The following LNPK variants were observed in gnomAD, a reference collection of about 807,000 sequenced individuals.
The protein encoded by LNPK is lunapark, ER junction formation factor.
Under a neutral mutation model 55.2 loss-of-function variants are expected in LNPK, and 29 were observed. The observed-to-expected ratio is 0.53, with a 90% CI of 0.39 to 0.72. The LOEUF is 0.72. Among genes scored for constraint, LNPK ranks in the 30% least tolerant of loss-of-function variants. The pLI, the probability that LNPK is intolerant of heterozygous loss-of-function variation, is 0.00. For synonymous variants in LNPK, 162 were observed against 168.2 expected, an observed-to-expected ratio of 0.96 and a Z score of 0.29; for missense variants, 467 against 494.8, an observed-to-expected ratio of 0.94 and a Z score of 0.53.
intron 1 of LNPK, among the ~76,000 whole-genome samples, chr2:175,996,072 T>C (rs141042001): frequency 1.0e-3 from 154 of 152,138 alleles, no homozygotes; most frequent in African/African-American, 3.3e-3. Context: ...CTTGGCCTCC[T>C]AAACTGCTGG....
intron 8 of LNPK, among the ~76,000 whole-genome samples, chr2:175,959,241 G>A (rs1035887930): frequency 6.6e-6 from 1 of 152,072 alleles, no homozygotes; most frequent in African/African-American, 2.4e-5. Flanking sequence ...TCCTTGACAA[G>A]AGCAACCCCA....
chr2:175,995,539 G>A lies in LNPK; in HGVS notation c.27+19C>T, dbSNP rs151250501. The A allele has an allele frequency of 2.5e-3, 3,961 of 1,592,330 alleles. 9 individuals carry two copies. The highest frequency in any genetic ancestry group is 3.0e-3 in the Non-Finnish European group (3,457 of 1,165,780). On this transcript the variant is annotated intron_variant, in intron 2 of 12. Coordinates refer to ENST00000272748, the MANE Select transcript of LNPK (RefSeq NM_030650.3). ...TTTATATTAGACTCAAGAACTAGCT[G>A]TAAAGAAAAGTACCTTACCCTCCAT...
rs779791395 is a variant in LNPK, at chr2:175,939,675, A to G, written c.707-18T>C. On this transcript the variant is annotated intron_variant, in intron 9 of 12. Coordinates refer to ENST00000272748, the MANE Select transcript of LNPK (RefSeq NM_030650.3). ...ATGAAGACCTATTAAATAAATAAATACATACAAAATTTATATACATGAAAT... is the reference window on the plus strand; with the variant it reads ...ATGAAGACCTATTAAATAAATAAATGCATACAAAATTTATATACATGAAAT... 8.7e-6 allele frequency: 11 copies of G among 1,259,282 alleles called. No homozygotes were observed. Among genetic ancestry groups the G allele is most frequent in the Non-Finnish European group, 1.1e-5 (10 of 883,618 alleles). The allele number at this position is 1,259,282 out of a possible 1,614,324, so 78.0% of individuals were successfully genotyped here.
At chr2:175,976,030 G>C (rs1686897656) in intron 5 of LNPK, among the ~76,000 whole-genome samples, 1 of 152,024 alleles carries the variant, frequency 6.6e-6, no homozygotes. Context: ...AAGAAAGAAA[G>C]AAAGAAACTG....
chr2:175,929,016 C>T lies in LNPK; in HGVS notation c.*951G>A, dbSNP rs1684142953. 1.6e-6 allele frequency: 1 copy of T among 609,374 alleles called. No individual in the cohort carries two copies. Among genetic ancestry groups the T allele is most frequent in the Non-Finnish European group, 2.1e-6 (1 of 486,156 alleles). The allele number at this position is 609,374 out of a possible 1,614,324, so 37.7% of individuals were successfully genotyped here. A position where few individuals can be genotyped will look rare whatever the true frequency, so the allele number is the denominator to read the frequency against. ...CATAATTTGCTCTAAGCAGAATCTA[C>T]AGATTTATTGTATTGTGAGCTATTC... On this transcript the variant is annotated 3_prime_UTR_variant, in exon 13 of 13. Transcript: ENST00000272748.
chr2:175,934,768 C>T (rs139650637), intron 12 of LNPK, among the ~76,000 whole-genome samples: 46 of 150,928 alleles, frequency 3.0e-4, no homozygotes, highest in African/African-American at 1.0e-3. Flanking sequence ...CATTTCTTGC[C>T]GTATTTAGTA....
chr2:175,967,645 T>A (rs2105641934), intron 6 of LNPK: 1 of 985,010 alleles, frequency 1.0e-6, no homozygotes, highest in Middle Eastern at 5.2e-4. Context: ...CCTTTTATCA[T>A]GCTGAAAATA....
At chr2:175,939,500 C>A in intron 10 of LNPK, 52 bp downstream of exon 10, 1 of 1,030,560 alleles carries the variant, frequency 9.7e-7, no homozygotes, top group Admixed American at 1.8e-5. Context: ...TGTACACACA[C>A]ACACACATCC....
intron 4 of LNPK, among the ~76,000 whole-genome samples, chr2:175,985,525 T>C (rs1245743430): frequency 6.6e-6 from 1 of 152,216 alleles, no homozygotes; most frequent in Non-Finnish European, 1.5e-5. Context: ...GGGTCAGTTA[T>C]TTATAGGTCG....
Position 175,937,305 on chromosome 2 carries a change from CAT to C in LNPK, c.1054+37_1054+38del, listed in dbSNP as rs771460572. On this transcript the variant is annotated intron_variant, in intron 12 of 12. Coordinates refer to ENST00000272748, the MANE Select transcript of LNPK (RefSeq NM_030650.3). ...ATGCTTTTATTACTGTTAAATAACA[CAT>C]GTTATTAAGGGGCAAAACTGTTTAA... 1.4e-4 allele frequency: 214 copies of C among 1,542,502 alleles called. 2 individuals carry two copies. Among genetic ancestry groups the C allele is most frequent in the Admixed American group, 9.1e-4 (50 of 54,790 alleles).
At chr2:175,991,502 T>G (rs1001461747) in intron 4 of LNPK, among the ~76,000 whole-genome samples, 2 of 152,214 alleles carry the variant, frequency 1.3e-5, no homozygotes, top group Non-Finnish European at 2.9e-5. Context: ...CAAACACATT[T>G]TTTTATAGTA....
chr2:175,987,298 A>G (rs191529775), intron 4 of LNPK, among the ~76,000 whole-genome samples: 22 of 152,324 alleles, frequency 1.4e-4, no homozygotes, highest in African/African-American at 5.3e-4. Flanking sequence ...GATAGACTGG[A>G]CTAAGAAAAT....
chr2:175,983,917 GATT>G, intron 4 of LNPK, among the ~76,000 whole-genome samples: 1 of 148,400 alleles, frequency 6.7e-6, no homozygotes, highest in African/African-American at 2.5e-5. Flanking sequence ...ACTCAAAATG[GATT>G]ATGAAATTAA....
chr2:175,948,616 C>G (rs1326248317), intron 8 of LNPK, among the ~76,000 whole-genome samples: 4 of 152,158 alleles, frequency 2.6e-5, no homozygotes. Context: ...CATAAAGAAG[C>G]CTTTATACTT....
chr2:175,935,703 AT>A (rs1415714247), intron 12 of LNPK: 171 of 882,216 alleles, frequency 1.9e-4, no homozygotes, highest in Non-Finnish European at 2.3e-4. Context: ...ATGTAATAAC[AT>A]TACCTTATTG....
chr2:175,959,954 A>G (rs987885783), intron 8 of LNPK, among the ~76,000 whole-genome samples: 2 of 152,312 alleles, frequency 1.3e-5, no homozygotes, highest in Admixed American at 6.5e-5. Context: ...AAAGATCAAA[A>G]GAGACAAAGA....
At chr2:175,939,857 T>C in intron 9 of LNPK, 200 bp from the exon 10 acceptor site, 1 of 443,598 alleles carries the variant, frequency 2.3e-6, no homozygotes, top group East Asian at 3.6e-5. Flanking sequence ...TTTAAATATG[T>C]GCTATATTAG....
In LNPK at chr2:175,928,248, C is replaced by CT. The variant is rs1684094369; in HGVS notation, c.*1718dup. Reference sequence around the variant, plus strand: ...TCTGCAAGAGGAAAAACTTATGGTCCTTGCATATTTTAAAGACATTAATAA... The same window carrying CT: ...TCTGCAAGAGGAAAAACTTATGGTCCTTTGCATATTTTAAAGACATTAATAA... On this transcript the variant is annotated 3_prime_UTR_variant, in exon 13 of 13. Transcript: ENST00000272748. 6.6e-6 allele frequency: 1 copy of CT among 151,912 alleles called. No individual in the cohort carries two copies. The highest frequency in any genetic ancestry group is 2.4e-5 in the African/African-American group (1 of 41,370). The allele number at this position is 151,912 out of a possible 1,614,324, so 9.4% of individuals were successfully genotyped here.
intron 12 of LNPK, 78 bp from the exon 13 acceptor site, chr2:175,930,277 C>CAG (rs1225156882): frequency 1.9e-5 from 1 of 51,998 alleles, no homozygotes; most frequent in Non-Finnish European, 3.5e-5. Flanking sequence ...AAAAGATAAA[C>CAG]ACACACACAC....
Sources: gnomAD v4.1 joint callset for allele counts (sites outside exome capture counted in the v4.1 genomes callset) on GRCh38, gnomAD v4.1.1 for gene constraint, MANE v1.5 for transcripts, NCBI Gene and HGNC (gene_info 2026-07-23, HGNC 2026-07-21) for gene names.